Variants in GCNT3 observed in about 807,000 individuals in gnomAD.
GCNT3 encodes the protein beta-1,3-galactosyl-O-glycosyl-glycoprotein beta-1,6-N-acetylglucosaminyltransferase 3.
For synonymous variants in GCNT3, 269 were observed against 195.2 expected (o/e 1.38, Z -3.15); for missense variants, 708 against 530.3 (o/e 1.34, Z -3.29).
In GCNT3 at chr15:59,612,778, G is replaced by T. The variant is rs138396648; in HGVS notation, c.-251+797G>T. Among the ~76,000 whole-genome samples, 586 of 152,172 alleles carry T rather than the reference G, an allele frequency of 3.9e-3. 7 individuals are homozygous for T. Among genetic ancestry groups the T allele is most frequent in the Middle Eastern group, 0.014 (4 of 294 alleles). On this transcript the variant is annotated intron_variant, in intron 1 of 2. Coordinates refer to ENST00000396065, the MANE Select transcript of GCNT3 (RefSeq NM_004751.3). ...ACCCCCGATCTTCCTGTGCCCTTCC[G>T]CAGCCATTCTGTCCCCTCTCCTGTA...
chr15:59,619,752 T>A lies in GCNT3; in HGVS notation c.*197T>A, dbSNP rs1172936897. On this transcript the variant is annotated 3_prime_UTR_variant, in exon 3 of 3. Transcript: ENST00000396065. Reference sequence around the variant, plus strand: ...CTGCCTGGGTGAATGCTGCTTGTTCTCTCACCCCTAACCCTAGTAGTTCCT... The same window carrying A: ...CTGCCTGGGTGAATGCTGCTTGTTCACTCACCCCTAACCCTAGTAGTTCCT... 3 of 556,134 alleles carry A rather than the reference T, an allele frequency of 5.4e-6. No homozygotes were observed. Among genetic ancestry groups the A allele is most frequent in the Non-Finnish European group, 1.0e-5 (3 of 300,570 alleles). 34.4% of individuals were successfully genotyped at this position (556,134 alleles called of 1,614,324 possible).
In GCNT3 at chr15:59,618,819, G is replaced by T. The variant is rs140710881; in HGVS notation, c.581G>T (p.Arg194Leu). The part of the protein sequence containing the change: ...PNVFIASKLV[R>L]VVYASWSRVQ... The stretch of plus-strand genomic sequence containing the variant: ...GTCTTCATAGCCAGTAAGCTGGTTC[G>T]GGTGGTTTATGCCTCCTGGTCCAGG... Residue 194 changes from arginine (R) to leucine (L), a missense_variant, in exon 3 of 3, where the codon CGG (arginine) becomes CTG (leucine). Transcript: ENST00000396065. 3.0e-5 allele frequency: 48 copies of T among 1,614,110 alleles called. No individual in the cohort carries two copies. Among genetic ancestry groups the T allele is most frequent in the Non-Finnish European group, 3.4e-6 (4 of 1,180,002 alleles).
At chr15:59,617,386 A>G (rs2082724756) in intron 2 of GCNT3, among the ~76,000 whole-genome samples, 1 of 152,008 alleles carries the variant, frequency 6.6e-6, no homozygotes, top group East Asian at 1.9e-4. Context: ...TTCTTAAAAC[A>G]TGTGTATTTG....
intron 1 of GCNT3, among the ~76,000 whole-genome samples, chr15:59,612,812 G>C (rs921690064): frequency 1.3e-5 from 2 of 152,024 alleles, no homozygotes; most frequent in Non-Finnish European, 2.9e-5. Flanking sequence ...TACCTCCCTG[G>C]GGTCAGTTGC....
Position 59,619,298 on chromosome 15 carries a change from A to G in GCNT3, c.1060A>G (p.Ile354Val), listed in dbSNP as rs2082736094. 1.9e-6 allele frequency: 3 copies of G among 1,614,130 alleles called. No homozygotes were observed. The highest frequency in any genetic ancestry group is 2.5e-6 in the Non-Finnish European group (3 of 1,180,032). ...TGTTCCCAACCACCCCAAGTACGAC[A>G]TCTCAGACATGACTTCTATTGCCAG... ...GSVPNHPKYD[I>V]SDMTSIARLV... is the part of the protein sequence containing the mutation. The change falls in exon 3 of 3, where the codon ATC (isoleucine) becomes GTC (valine). Residue 354 changes from isoleucine to valine, a missense_variant. Coordinates refer to ENST00000396065, the MANE Select transcript of GCNT3 (RefSeq NM_004751.3).
chr15:59,617,437 C>T (rs556234754), intron 2 of GCNT3, among the ~76,000 whole-genome samples: 6 of 152,092 alleles, frequency 3.9e-5, no homozygotes, highest in East Asian at 1.9e-4. Flanking sequence ...ATAAAAGAGG[C>T]TTAATAATAC....
chr15:59,620,729 C>G lies in GCNT3; in HGVS notation c.*1174C>G, dbSNP rs555110283. 7.4e-4 allele frequency: 123 copies of G among 166,996 alleles called. No individual in the cohort carries two copies. Among genetic ancestry groups the G allele is most frequent in the Middle Eastern group, 3.4e-3 (1 of 296 alleles). 10.3% of individuals were successfully genotyped at this position (166,996 alleles called of 1,614,324 possible). On this transcript the variant is annotated 3_prime_UTR_variant, in exon 3 of 3. Coordinates refer to ENST00000396065, the MANE Select transcript of GCNT3 (RefSeq NM_004751.3). ...CAATCAGGTAAGGTAATGTGTAATT[C>G]ATTATTCAAAGTGGAACATGTTTTT... is the stretch of plus-strand genomic sequence containing the variant.
intron 2 of GCNT3, among the ~76,000 whole-genome samples, chr15:59,617,170 C>CTTTTTTTTTTTT (rs373439386): frequency 4.9e-5 from 4 of 82,382 alleles, no homozygotes; most frequent in Non-Finnish European, 9.9e-5. Flanking sequence ...CTTTTGTTTT[C>CTTTTTTTTTTTT]TTTCTTTCTT....
intron 1 of GCNT3, among the ~76,000 whole-genome samples, chr15:59,614,849 C>T (rs573427960): frequency 6.6e-6 from 1 of 152,198 alleles, no homozygotes; most frequent in Non-Finnish European, 1.5e-5. Flanking sequence ...TGCTCTGGTT[C>T]AAGCACCTCT....
rs189850122 is a variant in GCNT3 at position 59,622,611 on chromosome 15, T to G, written c.*3056T>G. ...TGGGAAGTAGGCAGAAAAGCCTCCC[T>G]GGGTGCAGATTCTCTGAGAAAAGAA... On this transcript the variant is annotated 3_prime_UTR_variant, in exon 3 of 3. Transcript: ENST00000396065. 1 of 152,322 alleles carries G rather than the reference T, an allele frequency of 6.6e-6. No homozygotes were observed. The highest frequency in any genetic ancestry group is 1.9e-4 in the East Asian group (1 of 5,184). 9.4% of individuals were successfully genotyped at this position (152,322 alleles called of 1,614,324 possible). A position where few individuals can be genotyped will look rare whatever the true frequency, so the allele number is the denominator to read the frequency against.
At chr15:59,617,128 A>G (rs2082722938) in intron 2 of GCNT3, among the ~76,000 whole-genome samples, 1 of 124,108 alleles carries the variant, frequency 8.1e-6, no homozygotes, top group African/African-American at 3.0e-5. Context: ...TCATCTTAGG[A>G]TTTCAATGTA....
At chr15:59,613,565 TAA>T (rs1566904393) in intron 1 of GCNT3, among the ~76,000 whole-genome samples, 9 of 144,976 alleles carry the variant, frequency 6.2e-5, no homozygotes, top group South Asian at 2.1e-4. Context: ...AATAAATAAA[TAA>T]ATAAATAAAT....
intron 1 of GCNT3, chr15:59,615,135 A>G (rs1387193281): frequency 6.6e-6 from 1 of 152,160 alleles, no homozygotes; most frequent in African/African-American, 2.4e-5. Flanking sequence ...AACTCTGCCA[A>G]TAAAGGGCAC....
Position 59,619,412 on chromosome 15 carries a change from G to T in GCNT3, c.1174G>T (p.Val392Phe), listed in dbSNP as rs34081917. 3.8e-5 allele frequency: 62 copies of T among 1,613,970 alleles called. No homozygotes were observed. Among genetic ancestry groups the T allele is most frequent in the Non-Finnish European group, 5.2e-5 (61 of 1,180,008 alleles). ...TGGAATCCACCAGCGGGCTATCTGCGTTTATGGGGCTGGGGACTTGAATTG... is the reference window on the plus strand; with the variant it reads ...TGGAATCCACCAGCGGGCTATCTGCTTTTATGGGGCTGGGGACTTGAATTG... ...CSGIHQRAIC[V>F]YGAGDLNWML... is the part of the protein sequence containing the mutation. Residue 392 changes from valine (V) to phenylalanine (F), a missense_variant, in exon 3 of 3, where the codon GTT becomes TTT. Val to Phe is a conservative substitution (Grantham distance 50). Transcript: ENST00000396065.
chr15:59,613,469 G>A, intron 1 of GCNT3, among the ~76,000 whole-genome samples: 1 of 151,630 alleles, frequency 6.6e-6, no homozygotes, highest in Admixed American at 6.6e-5. Flanking sequence ...GGGAGGCTGA[G>A]GCGGGGAGAT....
In GCNT3 at chr15:59,618,958, C is replaced by G. The variant is rs190663869; in HGVS notation, c.720C>G (p.Val240=). The part of the protein sequence containing the change: ...DFPIKSNAEM[V]QALKMLNGRN... ...CTATAAAGAGCAATGCAGAGATGGT[C>G]CAGGCTCTCAAGATGTTGAATGGGA... Residue 240 remains valine, a synonymous_variant, in exon 3 of 3, where the codon GTC becomes GTG. Coordinates refer to ENST00000396065, the MANE Select transcript of GCNT3 (RefSeq NM_004751.3). 4.6e-5 allele frequency: 75 copies of G among 1,613,954 alleles called. No homozygotes were observed. The African/African-American group carries it at 8.3e-4, about 18-fold the overall frequency.
Position 59,621,499 on chromosome 15 carries a change from G to T in GCNT3, c.*1944G>T, listed in dbSNP as rs1377809999. On this transcript the variant is annotated 3_prime_UTR_variant, in exon 3 of 3. Transcript: ENST00000396065. ...TCTGCATACGATATGCCCTGGAAAG[G>T]TGATTTATATGCAAGTTAATTGGTG... 11 of 150,760 alleles carry T rather than the reference G, an allele frequency of 7.3e-5. No homozygotes were observed. Among genetic ancestry groups the T allele is most frequent in the Non-Finnish European group, 1.6e-4 (11 of 67,742 alleles). 9.3% of individuals were successfully genotyped at this position (150,760 alleles called of 1,614,324 possible). A position where few individuals can be genotyped will look rare whatever the true frequency, so the allele number is the denominator to read the frequency against.
intron 1 of GCNT3, among the ~76,000 whole-genome samples, chr15:59,614,112 C>T (rs1320130747): frequency 6.6e-6 from 1 of 152,120 alleles, no homozygotes; most frequent in East Asian, 1.9e-4. Context: ...GAAGGTGAGA[C>T]TTGAGGGGGG....
chr15:59,613,888 G>A (rs779346616), intron 1 of GCNT3, among the ~76,000 whole-genome samples: 1 of 152,156 alleles, frequency 6.6e-6, no homozygotes, highest in African/African-American at 2.4e-5. Context: ...ATGGTGGCTT[G>A]TGCCTGTAGT....
Sources: gnomAD v4.1 joint callset for allele counts (sites outside exome capture counted in the v4.1 genomes callset) on GRCh38, gnomAD v4.1.1 for gene constraint, MANE v1.5 for transcripts, NCBI Gene and HGNC (gene_info 2026-07-23, HGNC 2026-07-21) for gene names.